Variants in NKAIN1 observed in about 807,000 individuals in gnomAD.
NKAIN1 encodes the protein sodium/potassium-transporting ATPase subunit beta-1-interacting protein 1.
In NKAIN1, 13 loss-of-function variants were observed where a neutral mutation model predicts 31.6. That is an observed-to-expected ratio of 0.41 (90% confidence interval 0.27 to 0.65). The LOEUF is 0.65. Among genes scored for constraint, NKAIN1 ranks in the 30% least tolerant of loss-of-function variants. NKAIN1 has a pLI of 0.30. For synonymous variants in NKAIN1, 104 were observed against 109.0 expected (o/e 0.95, Z 0.28); for missense variants, 193 against 262.2 (o/e 0.74, Z 1.82).
intron 1 of NKAIN1, among the ~76,000 whole-genome samples, chr1:31,222,664 C>T (rs1272368257): frequency 1.3e-5 from 2 of 152,144 alleles, no homozygotes. Flanking sequence ...CAAGGCTCCC[C>T]AACAAGGAAG....
chr1:31,231,752 G>A lies in NKAIN1; in HGVS notation c.54+7742C>T, dbSNP rs973348153. Among the ~76,000 whole-genome samples, 17 of 150,614 alleles carry A rather than the reference G, an allele frequency of 1.1e-4. No individual in the cohort carries two copies. In the East Asian group the frequency reaches 1.2e-3, roughly 11 times the overall value. On this transcript the variant is annotated intron_variant, in intron 1 of 6. Transcript: ENST00000373736. ...TCACAGTGTTAGCCAGGATGGTCTC[G>A]ATCTCCTGACCTTGTGATCCGCCCG...
chr1:31,188,588 T>C (rs1386230320), intron 1 of NKAIN1, among the ~76,000 whole-genome samples: 1 of 152,178 alleles, frequency 6.6e-6, no homozygotes, highest in Non-Finnish European at 1.5e-5. Context: ...CCCTGGCCCA[T>C]GGCATTCCTG....
At chr1:31,228,721 G>C (rs1488713662) in intron 1 of NKAIN1, among the ~76,000 whole-genome samples, 1 of 152,120 alleles carries the variant, frequency 6.6e-6, no homozygotes, top group Non-Finnish European at 1.5e-5. Context: ...AGCCACCTCA[G>C]TAGCTAGGAC....
At chr1:31,221,739 A>G (rs1296984149) in intron 1 of NKAIN1, among the ~76,000 whole-genome samples, 1 of 152,102 alleles carries the variant, frequency 6.6e-6, no homozygotes, top group Non-Finnish European at 1.5e-5. Flanking sequence ...TGACCTGGAA[A>G]TCCATATTTC....
intron 1 of NKAIN1, among the ~76,000 whole-genome samples, chr1:31,232,461 A>AGAGAGAGAGAGAGAGAGAGG (rs1557664534): frequency 4.0e-5 from 5 of 124,328 alleles, no homozygotes; most frequent in African/African-American, 1.6e-4. Context: ...AGAGAGAGAG[A>AGAGAGAGAGAGAGAGAGAGG]GAGAGAGAGA....
In NKAIN1 at chr1:31,239,446, C is replaced by T. The variant is rs986500438; in HGVS notation, c.54+48G>A. Reference sequence around the variant, plus strand: ...CCACCCGCACGCCCTGGGACCGCGCCCCGCCGCGCCCCACCCTGCCCCGAC... The same window carrying T: ...CCACCCGCACGCCCTGGGACCGCGCTCCGCCGCGCCCCACCCTGCCCCGAC... On this transcript the variant is annotated intron_variant, in intron 1 of 6. Transcript: ENST00000373736. The surrounding 1 kb of genome is among the most constrained non-coding windows in gnomAD (Gnocchi z 4.8). 3 of 1,405,940 alleles carry T rather than the reference C, an allele frequency of 2.1e-6. No homozygotes were observed. Among genetic ancestry groups the T allele is most frequent in the South Asian group, 2.8e-5 (2 of 70,464 alleles). 87.1% of individuals were successfully genotyped at this position (1,405,940 alleles called of 1,614,324 possible).
At chr1:31,237,125 C>T (rs141609085) in intron 1 of NKAIN1, among the ~76,000 whole-genome samples, 2 of 152,058 alleles carry the variant, frequency 1.3e-5, no homozygotes, top group African/African-American at 4.8e-5. Context: ...GTGGTGTGCC[C>T]CCGTAGTCCC....
At chr1:31,197,847 G>C (rs1645343322) in intron 1 of NKAIN1, among the ~76,000 whole-genome samples, 1 of 151,992 alleles carries the variant, frequency 6.6e-6, no homozygotes, top group Non-Finnish European at 1.5e-5. Context: ...GCACCTGGTG[G>C]TTTTTTACTT....
intron 1 of NKAIN1, among the ~76,000 whole-genome samples, chr1:31,209,733 C>G (rs1645452677): frequency 6.6e-6 from 1 of 152,054 alleles, no homozygotes; most frequent in Non-Finnish European, 1.5e-5. Flanking sequence ...GGGAAGACCA[C>G]TTGAACCTGG....
chr1:31,193,261 G>GT, intron 1 of NKAIN1, among the ~76,000 whole-genome samples: 1 of 150,622 alleles, frequency 6.6e-6, no homozygotes, highest in African/African-American at 2.4e-5. Flanking sequence ...GTAGAGACGG[G>GT]TTTTCACCAT....
intron 1 of NKAIN1, among the ~76,000 whole-genome samples, chr1:31,216,918 TGCAATG>T (rs1297746698): frequency 6.6e-6 from 1 of 151,986 alleles, no homozygotes; most frequent in Non-Finnish European, 1.5e-5. Flanking sequence ...GAGGCTGGAG[TGCAATG>T]GTGCGATCTT....
At chr1:31,190,302 C>T (rs961831768) in intron 1 of NKAIN1, among the ~76,000 whole-genome samples, 1 of 152,150 alleles carries the variant, frequency 6.6e-6, no homozygotes, top group Non-Finnish European at 1.5e-5. Context: ...TGGCATTTAC[C>T]CACTTGGCAC....
chr1:31,194,021 G>A (rs1645305432), intron 1 of NKAIN1: 1 of 152,176 alleles, frequency 6.6e-6, no homozygotes, highest in Non-Finnish European at 1.5e-5. Context: ...AGAGCTGCAA[G>A]CCAAGCCAAG....
At chr1:31,225,217 G>A (rs1433107102) in intron 1 of NKAIN1, among the ~76,000 whole-genome samples, 2 of 150,512 alleles carry the variant, frequency 1.3e-5, no homozygotes, top group African/African-American at 4.9e-5. Context: ...TAGTAGAGAT[G>A]GGGTTTCACC....
intron 1 of NKAIN1, among the ~76,000 whole-genome samples, chr1:31,238,302 T>C (rs1645707141): frequency 6.6e-6 from 1 of 152,114 alleles, no homozygotes. Context: ...TTGGCTCCTG[T>C]GGTGGGGAGG....
At chr1:31,191,903 G>A (rs1018016124) in intron 1 of NKAIN1, among the ~76,000 whole-genome samples, 1 of 152,158 alleles carries the variant, frequency 6.6e-6, no homozygotes, top group African/African-American at 2.4e-5. Context: ...CACCTCCTTA[G>A]TAGCTGGGAC....
intron 1 of NKAIN1, among the ~76,000 whole-genome samples, chr1:31,231,014 CTGGGAT>C (rs1645643868): frequency 6.6e-6 from 1 of 151,448 alleles, no homozygotes; most frequent in African/African-American, 2.4e-5. Context: ...TCCTGAGTAG[CTGGGAT>C]TACAGGTGCC....
intron 1 of NKAIN1, among the ~76,000 whole-genome samples, chr1:31,207,812 C>T (rs74063696): frequency 0.042 from 6,468 of 152,240 alleles, 381 homozygotes; most frequent in African/African-American, 0.13. Flanking sequence ...GCCCTGTACA[C>T]GCTGCTTGAT....
intron 1 of NKAIN1, among the ~76,000 whole-genome samples, chr1:31,204,231 G>A (rs1645406383): frequency 1.3e-5 from 2 of 152,138 alleles, no homozygotes; most frequent in African/African-American, 4.8e-5. Context: ...TGGTCCCTAG[G>A]AGGCAGGGAA....
Sources: gnomAD v4.1 joint callset for allele counts (sites outside exome capture counted in the v4.1 genomes callset) on GRCh38, gnomAD v4.1.1 for gene constraint, Gnocchi (gnomAD v3.1) non-coding constraint, MANE v1.5 for transcripts, NCBI Gene and HGNC (gene_info 2026-07-23, HGNC 2026-07-21) for gene names.